The following SPG7 variants were observed in gnomAD, a reference collection of about 807,000 sequenced individuals.
The protein encoded by SPG7 is SPG7 matrix AAA peptidase subunit, paraplegin.
In SPG7, 103 loss-of-function variants were observed where a neutral mutation model predicts 81.9. The ratio of observed to expected loss-of-function variants is 1.26; its 90% CI spans 1.07 to 1.48. SPG7 has a LOEUF of 1.48. Among genes scored for constraint, SPG7 ranks in the 40% most tolerant of loss-of-function variants. The pLI is 0.00. For missense variants in SPG7, 1,241 were observed against 1,087.3 expected (o/e 1.14, Z -1.99); for synonymous variants, 534 against 444.2 (o/e 1.20, Z -2.54).
intron 6 of SPG7, chr16:89,530,395 C>T (rs11643052): frequency 2.0e-5 from 9 of 448,688 alleles, no homozygotes; most frequent in African/African-American, 4.0e-5. Context: ...CCGCCCATCT[C>T]GGCCTCCCAA....
chr16:89,556,249 C>T (rs2058686697), intron 16 of SPG7: 2 of 400,300 alleles, frequency 5.0e-6, no homozygotes, highest in Non-Finnish European at 8.8e-6. Flanking sequence ...ACCCTAGCTT[C>T]AGGGGTTACC....
At chr16:89,551,755 G>C (rs1256343495) in intron 13 of SPG7, 1 of 152,180 alleles carries the variant, frequency 6.6e-6, no homozygotes, top group Non-Finnish European at 1.5e-5. Flanking sequence ...GCTGGGCGTG[G>C]TGGTGCGTAC....
intron 3 of SPG7, among the ~76,000 whole-genome samples, chr16:89,514,031 T>A (rs2058057028): frequency 6.6e-6 from 1 of 151,868 alleles, no homozygotes; most frequent in Non-Finnish European, 1.5e-5. Context: ...AGCTTTACTC[T>A]GTGAGAGAGG....
intron 12 of SPG7, chr16:89,548,567 G>A (rs901489077): frequency 3.1e-6 from 1 of 318,790 alleles, no homozygotes; most frequent in Non-Finnish European, 6.1e-6. Context: ...CTGCGGAGAG[G>A]TGTGGATCTG....
rs568606215 is a variant in SPG7 at position 89,547,715 on chromosome 16, C to T, written c.1553-288C>T. The T allele has an allele frequency of 4.2e-4, 169 of 405,594 alleles. 1 individual carries two copies. Among genetic ancestry groups the T allele is most frequent in the South Asian group, 3.4e-3 (162 of 47,510 alleles). 25.1% of individuals were successfully genotyped at this position (405,594 alleles called of 1,614,324 possible). A position where few individuals can be genotyped will look rare whatever the true frequency, so the allele number is the denominator to read the frequency against. ...GCAGCCTCCGCCTCCTGGGTTCAACCGATTTTCCTGCCTCAGCCTCCTGAG... is the reference window on the plus strand; with the variant it reads ...GCAGCCTCCGCCTCCTGGGTTCAACTGATTTTCCTGCCTCAGCCTCCTGAG... On this transcript the variant is annotated intron_variant, in intron 11 of 16. Coordinates refer to ENST00000645818, the MANE Select transcript of SPG7 (RefSeq NM_003119.4).
chr16:89,554,059 C>G (rs765433981), intron 15 of SPG7, 99 bp downstream of exon 15: 2 of 1,325,946 alleles, frequency 1.5e-6, no homozygotes, highest in Admixed American at 1.9e-5. Flanking sequence ...CCCAGCGGAG[C>G]TCAGCTGCAG....
In SPG7 at chr16:89,529,549, G is replaced by A; in HGVS notation, c.831G>A (p.Met277Ile). 6.2e-7 allele frequency: 1 copy of A among 1,613,898 alleles called. No homozygotes were observed. The highest frequency in any genetic ancestry group is 1.7e-5 in the Admixed American group (1 of 60,022). ...GGTATGTTTTCCGTCTGGCCGGGATGACTGGAAGGGAAGGTGGATTCAGTG... is the reference window on the plus strand; with the variant it reads ...GGTATGTTTTCCGTCTGGCCGGGATAACTGGAAGGGAAGGTGGATTCAGTG... ...ILWYVFRLAG[M>I]TGREGGFSAF... Residue 277 changes from methionine (M) to isoleucine (I), a missense_variant, in exon 6 of 17, where the codon ATG becomes ATA. Met to Ile is a conservative substitution (Grantham distance 10). Coordinates refer to ENST00000645818, the MANE Select transcript of SPG7 (RefSeq NM_003119.4).
chr16:89,531,892 G>T lies in SPG7; in HGVS notation c.988-12G>T, dbSNP rs778706569. The T allele has an allele frequency of 1.2e-6, 2 of 1,614,036 alleles. No individual in the cohort carries two copies. The highest frequency in any genetic ancestry group is 1.7e-5 in the Admixed American group (1 of 60,026). ...CCAAGTAGTTAGTGTTGCATTGTCT[G>T]CTGCCGTCCAGAGCCCAGAACGCTT... On this transcript the variant is annotated splice_polypyrimidine_tract_variant and intron_variant, in intron 7 of 16. Transcript: ENST00000645818.
chr16:89,546,426 C>G (rs568069209), intron 10 of SPG7: 20 of 504,596 alleles, frequency 4.0e-5, no homozygotes, highest in African/African-American at 1.2e-4. Context: ...GCCTGTAACC[C>G]CAGCACTTTG....
chr16:89,552,658 G>C (rs370177005), intron 13 of SPG7: 2 of 388,114 alleles, frequency 5.2e-6, no homozygotes, highest in Non-Finnish European at 9.9e-6. Context: ...AGGGGTCAGC[G>C]CAGCGGCCAT....
intron 4 of SPG7, among the ~76,000 whole-genome samples, chr16:89,524,947 C>A (rs892562136): frequency 7.1e-6 from 1 of 140,708 alleles, no homozygotes; most frequent in Non-Finnish European, 1.6e-5. Context: ...TTTTCCTTTT[C>A]TTTTGCTTTT....
chr16:89,545,437 G>A (rs2058550431), intron 10 of SPG7: 1 of 186,780 alleles, frequency 5.4e-6, no homozygotes, highest in Non-Finnish European at 1.1e-5. Context: ...GCTGGGCTCA[G>A]CGGCTCTCAG....
intron 3 of SPG7, among the ~76,000 whole-genome samples, chr16:89,516,495 G>A (rs904982324): frequency 6.6e-6 from 1 of 152,090 alleles, no homozygotes; most frequent in African/African-American, 2.4e-5. Flanking sequence ...AGGTTGCAGG[G>A]AGCTGAGATT....
chr16:89,508,826 C>G (rs1410773998), intron 1 of SPG7: 6 of 686,146 alleles, frequency 8.7e-6, no homozygotes, highest in Non-Finnish European at 1.6e-5. Context: ...CCGCGCAGTC[C>G]TCGGCGTGGA....
At chr16:89,531,060 C>A (rs961265008) in intron 7 of SPG7, 17 of 581,672 alleles carry the variant, frequency 2.9e-5, no homozygotes, top group Middle Eastern at 4.6e-4. Context: ...CCGTCCTGGG[C>A]CCTTCATCCC....
At chr16:89,546,938 CGG>C (rs2152409972) in intron 11 of SPG7, 178 bp downstream of exon 11, 1 of 626,662 alleles carries the variant, frequency 1.6e-6, no homozygotes, top group East Asian at 2.9e-5. Flanking sequence ...GAGGTCCAGA[CGG>C]CACCCGCACT....
chr16:89,551,167 C>T (rs1417370196), intron 13 of SPG7: 1 of 183,554 alleles, frequency 5.4e-6, no homozygotes, highest in South Asian at 1.2e-4. Flanking sequence ...GACGTGGCTC[C>T]ACCACCGGGA....
At chr16:89,552,011 G>T (rs1216176763) in intron 13 of SPG7, 2 of 152,240 alleles carry the variant, frequency 1.3e-5, no homozygotes, top group Non-Finnish European at 2.9e-5. Context: ...TGAATTGGCT[G>T]TTATGGTTTT....
intron 3 of SPG7, among the ~76,000 whole-genome samples, chr16:89,515,715 A>T (rs33954570): frequency 0.64 from 93,223 of 146,172 alleles, 29,624 homozygotes; most frequent in Middle Eastern, 0.82. Context: ...TATTATTATT[A>T]TTTTTTTTTT....
Sources: gnomAD v4.1 joint callset for allele counts (sites outside exome capture counted in the v4.1 genomes callset) on GRCh38, gnomAD v4.1.1 for gene constraint, MANE v1.5 for transcripts, NCBI Gene and HGNC (gene_info 2026-07-23, HGNC 2026-07-21) for gene names.